The following WHAMM variants were observed in gnomAD, a reference collection of about 807,000 sequenced individuals.
The protein encoded by WHAMM is WASP homolog associated with actin, golgi membranes and microtubules.
A neutral mutation model predicts 76.5 loss-of-function variants in WHAMM; 67 were observed. The observed-to-expected ratio is 0.88, with a 90% CI of 0.72 to 1.07. The LOEUF is 1.07. Among genes scored for constraint, WHAMM ranks in the 50% least tolerant of loss-of-function variants. The pLI is 0.00. For synonymous variants in WHAMM, 419 were observed against 422.1 expected, an observed-to-expected ratio of 0.99 and a Z score of 0.09; for missense variants, 1,021 against 1,051.1, an observed-to-expected ratio of 0.97 and a Z score of 0.40.
At chr15:82,820,896 C>CAAA (rs60974626) in intron 5 of WHAMM, among the ~76,000 whole-genome samples, 16 of 119,664 alleles carry the variant, frequency 1.3e-4, no homozygotes, top group African/African-American at 4.2e-4. Flanking sequence ...GACTCTGTCT[C>CAAA]AAAAAAAAAA....
rs191150576 is a variant in WHAMM, at chr15:82,827,560, C to T, written c.1641+714C>T. Among the ~76,000 whole-genome samples the T allele has an allele frequency of 1.2e-3, 185 of 152,298 alleles. 1 individual carries two copies. Among genetic ancestry groups the T allele is most frequent in the African/African-American group, 4.1e-3 (170 of 41,560 alleles). Reference sequence around the variant, plus strand: ...TGAGGTATAGTGTGATATTTTGATACAGGTGTATAATGTGTAATGATCAAA... The same window carrying T: ...TGAGGTATAGTGTGATATTTTGATATAGGTGTATAATGTGTAATGATCAAA... On this transcript the variant is annotated intron_variant, in intron 8 of 9. Coordinates refer to ENST00000286760, the MANE Select transcript of WHAMM (RefSeq NM_001080435.3).
chr15:82,833,342 GCCA>G lies in WHAMM; in HGVS notation c.2237_2239del (p.Ala746_Ile747delinsVal), dbSNP rs1399754841. 1 of 1,614,018 alleles carries G rather than the reference GCCA, an allele frequency of 6.2e-7. No individual in the cohort carries two copies. Among genetic ancestry groups the G allele is most frequent in the South Asian group, 1.1e-5 (1 of 91,078 alleles). On this transcript the variant is annotated inframe_deletion, in exon 10 of 10. Transcript: ENST00000286760. ...CTCAATCAATGAGCACATTCTGGCT[GCCA>G]TAAGGCAAGGGGTCAAACTGAAGAA...
chr15:82,812,864 A>C (rs2050653576), intron 1 of WHAMM, among the ~76,000 whole-genome samples: 1 of 152,194 alleles, frequency 6.6e-6, no homozygotes, highest in Non-Finnish European at 1.5e-5. Flanking sequence ...CTTCAGAAGC[A>C]CAGTGCTGAA....
intron 5 of WHAMM, among the ~76,000 whole-genome samples, chr15:82,821,258 C>A (rs1429627551): frequency 6.6e-6 from 1 of 152,086 alleles, no homozygotes; most frequent in Non-Finnish European, 1.5e-5. Context: ...TATGAAGTCA[C>A]GTTTATCAAT....
intron 1 of WHAMM, among the ~76,000 whole-genome samples, chr15:82,812,378 G>A (rs1376615838): frequency 5.9e-5 from 9 of 152,130 alleles, no homozygotes; most frequent in Non-Finnish European, 1.0e-4. Flanking sequence ...GCAGGCGCCC[G>A]CCACCACGCC....
In WHAMM at chr15:82,810,321, G is replaced by A; in HGVS notation, c.595G>A (p.Ala199Thr). The stretch of plus-strand genomic sequence containing the variant: ...GCGCGCGCGGTGGGTCGAGGCGGAC[G>A]CGCGGCTGCGCCAGGTAAGCGAGGC... ...ALRARWVEAD[A>T]RLRQVIQGHG... Residue 199 changes from alanine (A) to threonine (T), a missense_variant, in exon 1 of 10, where the codon GCG becomes ACG. Physicochemically the swap from Ala to Thr is moderately conservative, Grantham distance 58. Coordinates refer to ENST00000286760, the MANE Select transcript of WHAMM (RefSeq NM_001080435.3). 7.6e-7 allele frequency: 1 copy of A among 1,312,428 alleles called. No individual in the cohort carries two copies. The highest frequency in any genetic ancestry group is 2.2e-5 in the South Asian group (1 of 45,330). The allele number at this position is 1,312,428 out of a possible 1,614,324, so 81.3% of individuals were successfully genotyped here.
At chr15:82,815,203 T>A (rs2050707036) in intron 2 of WHAMM, among the ~76,000 whole-genome samples, 1 of 143,562 alleles carries the variant, frequency 7.0e-6, no homozygotes, top group Non-Finnish European at 1.5e-5. Flanking sequence ...CAGTGATCAT[T>A]ACTGTGTAAT....
chr15:82,823,276 CG>C lies in WHAMM; in HGVS notation c.1449del (p.Ser484ValfsTer21). On this transcript the variant is annotated frameshift_variant, in exon 6 of 10. Transcript: ENST00000286760. LOFTEE classifies it high-confidence loss of function. ...GRICAKRASL[R>X]SRKDQCKENH... ...GATCTGTGCCAAAAGAGCCTCTCTC[CG>C]GAGTAGAAAGGTAGGTACGCTCAGA... The C allele has an allele frequency of 6.6e-7, 1 of 1,506,190 alleles. No homozygotes were observed. The highest frequency in any genetic ancestry group is 1.4e-5 in the South Asian group (1 of 72,502). 93.3% of individuals were successfully genotyped at this position (1,506,190 alleles called of 1,614,324 possible). A position where few individuals can be genotyped will look rare whatever the true frequency, so the allele number is the denominator to read the frequency against.
At chr15:82,822,767 G>A (rs1242977078) in intron 5 of WHAMM, among the ~76,000 whole-genome samples, 1 of 152,000 alleles carries the variant, frequency 6.6e-6, no homozygotes, top group Non-Finnish European at 1.5e-5. Context: ...CATGGAAAAT[G>A]TTCTTTTAGA....
At chr15:82,830,386 G>A (rs111732364) in intron 8 of WHAMM, among the ~76,000 whole-genome samples, 1,770 of 152,040 alleles carry the variant, frequency 0.012, 18 homozygotes, top group Non-Finnish European at 0.019. Flanking sequence ...TACAGAGAAG[G>A]TAATACTTGA....
chr15:82,811,547 T>C (rs764304639), intron 1 of WHAMM, among the ~76,000 whole-genome samples: 3 of 152,250 alleles, frequency 2.0e-5, no homozygotes, highest in African/African-American at 7.2e-5. Flanking sequence ...TAGTTCATAC[T>C]GTTGAGCTAG....
chr15:82,829,628 A>T (rs1397449672), intron 8 of WHAMM, among the ~76,000 whole-genome samples: 1 of 151,938 alleles, frequency 6.6e-6, no homozygotes, highest in East Asian at 1.9e-4. Context: ...GGAAATAGAA[A>T]TACTCCTTGA....
At chr15:82,814,056 C>T (rs2050678891) in intron 2 of WHAMM, among the ~76,000 whole-genome samples, 1 of 152,172 alleles carries the variant, frequency 6.6e-6, no homozygotes, top group African/African-American at 2.4e-5. Context: ...ATTTAAATAG[C>T]AGGACCCTAG....
Position 82,810,322 on chromosome 15 carries a change from C to G in WHAMM, c.596C>G (p.Ala199Gly), listed in dbSNP as rs776828818. The G allele has an allele frequency of 3.9e-5, 51 of 1,312,466 alleles. No individual in the cohort carries two copies. Among genetic ancestry groups the G allele is most frequent in the Non-Finnish European group, 4.7e-5 (49 of 1,036,916 alleles). 81.3% of individuals were successfully genotyped at this position (1,312,466 alleles called of 1,614,324 possible). A position where few individuals can be genotyped will look rare whatever the true frequency, so the allele number is the denominator to read the frequency against. The part of the protein sequence containing the change: ...ALRARWVEAD[A>G]RLRQVIQGHG... Reference sequence around the variant, plus strand: ...CGCGCGCGGTGGGTCGAGGCGGACGCGCGGCTGCGCCAGGTAAGCGAGGCC... The same window carrying G: ...CGCGCGCGGTGGGTCGAGGCGGACGGGCGGCTGCGCCAGGTAAGCGAGGCC... The change falls in exon 1 of 10, where the codon GCG becomes GGG. Residue 199 changes from alanine to glycine, a missense_variant. By Grantham distance (60) the Ala-to-Gly change is moderately conservative. Around this residue, in one of 3 missense-constraint regions of WHAMM, gnomAD observed 501 missense variants for 524.9 expected, o/e 0.95. Coordinates refer to ENST00000286760, the MANE Select transcript of WHAMM (RefSeq NM_001080435.3).
At chr15:82,832,215 A>C (rs2151575064) in intron 9 of WHAMM, among the ~76,000 whole-genome samples, 1 of 152,348 alleles carries the variant, frequency 6.6e-6, no homozygotes, top group East Asian at 1.9e-4. Flanking sequence ...AATTCACAGG[A>C]AAGAATAAGA....
chr15:82,833,126 T>C, intron 9 of WHAMM, 103 bp from the exon 10 acceptor site: 2 of 1,275,188 alleles, frequency 1.6e-6, no homozygotes, highest in South Asian at 3.0e-5. Context: ...TTTGTTTAAA[T>C]CATGGTGTTA....
In WHAMM at chr15:82,813,144, A is replaced by G; in HGVS notation, c.651A>G (p.Leu217=). 6.2e-7 allele frequency: 1 copy of G among 1,608,658 alleles called. No individual in the cohort carries two copies. The highest frequency in any genetic ancestry group is 2.2e-5 in the East Asian group (1 of 44,846). The part of the protein sequence containing the change: ...GHGKANTMVA[L]MNVYQEEDEA... ...GAAAAGCCAACACCATGGTAGCATT[A>G]ATGAACGTTTACCAAGAGGAAGATG... Residue 217 remains leucine, a synonymous_variant, in exon 2 of 10, where the codon TTA becomes TTG. Transcript: ENST00000286760.
intron 8 of WHAMM, among the ~76,000 whole-genome samples, chr15:82,828,942 C>T (rs991036953): frequency 2.0e-5 from 3 of 152,100 alleles, no homozygotes; most frequent in Non-Finnish European, 2.9e-5. Context: ...GTATGGACAG[C>T]GGCCATACAC....
chr15:82,835,503 C>G lies in WHAMM; in HGVS notation c.*1967C>G, dbSNP rs7166145. ...AGCTGGGAGGGGCGTGAGTCCCTTT[C>G]AGCAGCTGCAGCCTGGGTCTCCCTC... On this transcript the variant is annotated 3_prime_UTR_variant, in exon 10 of 10. Coordinates refer to ENST00000286760, the MANE Select transcript of WHAMM (RefSeq NM_001080435.3). 4,766 of 152,514 alleles carry G rather than the reference C, an allele frequency of 0.031. 247 individuals carry two copies. The highest frequency in any genetic ancestry group is 0.11 in the African/African-American group (4,521 of 41,580). 9.4% of individuals were successfully genotyped at this position (152,514 alleles called of 1,614,324 possible).
Sources: allele counts gnomAD v4.1 joint callset (sites outside exome capture counted in the v4.1 genomes callset), GRCh38; gene constraint gnomAD v4.1.1; regional missense constraint gnomAD v4.1.1; transcripts MANE v1.5; gene names NCBI Gene and HGNC (gene_info 2026-07-23, HGNC 2026-07-21).